C2orf76: variants seen among roughly 807,000 people sequenced by gnomAD.
C2orf76 encodes chromosome 2 open reading frame 76.
A neutral mutation model predicts 16.9 loss-of-function variants in C2orf76; 23 were observed. The observed-to-expected ratio is 1.36, with a 90% CI of 0.98 to 1.93. The LOEUF is 1.93. Ranked by LOEUF, C2orf76 falls within the 30% of genes most tolerant of loss-of-function variation. C2orf76 has a pLI of 0.00. For synonymous variants in C2orf76, 48 were observed against 52.3 expected (o/e 0.92, Z 0.35); for missense variants, 152 against 152.6 (o/e 1.00, Z 0.02).
intron 1 of C2orf76, chr2:119,366,388 T>C (rs1680992532): frequency 2.1e-6 from 1 of 470,442 alleles, no homozygotes; most frequent in Non-Finnish European, 4.4e-6. Context: ...GACATAAATG[T>C]GCAATACAGG....
chr2:119,307,067 T>C (rs1678813544), intron 5 of C2orf76, among the ~76,000 whole-genome samples: 2 of 151,982 alleles, frequency 1.3e-5, no homozygotes, highest in South Asian at 4.1e-4. Flanking sequence ...GAGACAGAGA[T>C]GACTTCGAAT....
At chr2:119,294,174 C>G in the C2orf76 span, among the ~76,000 whole-genome samples, 1 of 151,976 alleles carries the variant, frequency 6.6e-6, no homozygotes, top group Non-Finnish European at 1.5e-5. Context: ...GAGGAGTGAC[C>G]AGTGAAGCCA....
At chr2:119,289,460 G>A in the C2orf76 span, among the ~76,000 whole-genome samples, 1 of 151,966 alleles carries the variant, frequency 6.6e-6, no homozygotes, top group African/African-American at 2.4e-5. Flanking sequence ...GGCTGACGTG[G>A]GCAGATCAGG....
Position 119,302,417 on chromosome 2 carries a change from C to A in C2orf76, c.*55G>T. ...TTGTTTGTCAATTTCAAAAATTCAG[C>A]AGTGGAATAAAGAGCTTAATACAGG... On this transcript the variant is annotated 3_prime_UTR_variant, in exon 6 of 6. Coordinates refer to ENST00000334816, the MANE Select transcript of C2orf76 (RefSeq NM_001322331.2). 1.5e-6 allele frequency: 1 copy of A among 663,080 alleles called. No homozygotes were observed. Among genetic ancestry groups the A allele is most frequent in the Non-Finnish European group, 2.6e-6 (1 of 389,422 alleles). 41.1% of individuals were successfully genotyped at this position (663,080 alleles called of 1,614,324 possible). A position where few individuals can be genotyped will look rare whatever the true frequency, so the allele number is the denominator to read the frequency against.
chr2:119,349,371 G>T (rs1248437184), intron 1 of C2orf76, among the ~76,000 whole-genome samples: 1 of 152,186 alleles, frequency 6.6e-6, no homozygotes, highest in African/African-American at 2.4e-5. Context: ...CAGAGTACTG[G>T]AAAGGAGGGA....
intron 1 of C2orf76, among the ~76,000 whole-genome samples, chr2:119,349,466 G>T (rs908475113): frequency 1.3e-5 from 2 of 152,206 alleles, no homozygotes; most frequent in Non-Finnish European, 2.9e-5. Flanking sequence ...CCAGAAGCAG[G>T]TCACACGCCC....
the C2orf76 span, among the ~76,000 whole-genome samples, chr2:119,292,908 G>A: frequency 1.4e-4 from 21 of 152,224 alleles, no homozygotes; most frequent in South Asian, 1.3e-3. Flanking sequence ...GGTGGCATGC[G>A]CCTGTAGTCC....
At chr2:119,319,206 T>C (rs953217881) in intron 3 of C2orf76, among the ~76,000 whole-genome samples, 10 of 152,334 alleles carry the variant, frequency 6.6e-5, no homozygotes, top group Admixed American at 5.9e-4. Context: ...GAAATCCTGC[T>C]GCTCTAATAG....
chr2:119,317,961 T>G (rs556369302), intron 3 of C2orf76, among the ~76,000 whole-genome samples: 1 of 152,314 alleles, frequency 6.6e-6, no homozygotes, highest in African/African-American at 2.4e-5. Context: ...GTTGCCACTC[T>G]CAGTATTCAA....
chr2:119,359,460 G>A (rs1393324070), intron 1 of C2orf76, among the ~76,000 whole-genome samples: 1 of 152,168 alleles, frequency 6.6e-6, no homozygotes, highest in African/African-American at 2.4e-5. Flanking sequence ...TTCCTCAGAT[G>A]GATATGGGCA....
chr2:119,306,402 A>T (rs1678785509), intron 5 of C2orf76, among the ~76,000 whole-genome samples: 1 of 152,182 alleles, frequency 6.6e-6, no homozygotes, highest in Non-Finnish European at 1.5e-5. Context: ...AAAACGAACC[A>T]CGAGGGAGTT....
chr2:119,348,046 CAAAAAAAAAAAAA>C (rs1205382710), intron 1 of C2orf76, among the ~76,000 whole-genome samples: 5 of 81,988 alleles, frequency 6.1e-5, no homozygotes, highest in African/African-American at 1.9e-4. Flanking sequence ...GGCTCTGTCT[CAAAAAAAAAAAAA>C]AAAAAAAAAA....
chr2:119,291,685 G>A, the C2orf76 span, among the ~76,000 whole-genome samples: 21 of 152,086 alleles, frequency 1.4e-4, no homozygotes, highest in African/African-American at 4.1e-4. Flanking sequence ...GGCAGCAGCC[G>A]GACACCCCTG....
At chr2:119,355,358 A>G (rs1439126177) in intron 1 of C2orf76, among the ~76,000 whole-genome samples, 1 of 152,250 alleles carries the variant, frequency 6.6e-6, no homozygotes, top group Admixed American at 6.5e-5. Flanking sequence ...ATATGTACAT[A>G]GCGAACAGCT....
chr2:119,305,075 G>T lies in C2orf76; in HGVS notation c.305-2527C>A, dbSNP rs377755309. Reference sequence around the variant, plus strand: ...AGTGCAGTCAGGTGCAGAGTGCCTTGGCATGGGAATCTGAAATGAATGTGC... The same window carrying T: ...AGTGCAGTCAGGTGCAGAGTGCCTTTGCATGGGAATCTGAAATGAATGTGC... On this transcript the variant is annotated intron_variant, in intron 5 of 5. Coordinates refer to ENST00000334816, the MANE Select transcript of C2orf76 (RefSeq NM_001322331.2). Among the ~76,000 whole-genome samples, 33 of 152,242 alleles carry T rather than the reference G, an allele frequency of 2.2e-4. No homozygotes were observed. In the East Asian group the frequency reaches 5.6e-3, roughly 26 times the overall value.
rs116285917 is a variant in C2orf76 at position 119,308,904 on chromosome 2, C to T, written c.304+2718G>A. On this transcript the variant is annotated intron_variant, in intron 5 of 5. Coordinates refer to ENST00000334816, the MANE Select transcript of C2orf76 (RefSeq NM_001322331.2). The stretch of plus-strand genomic sequence containing the variant: ...AATTCAAGGTCATATTCATTCCCGA[C>T]GGTGGTATAAGAGTATCCATTTTCC... Among the ~76,000 whole-genome samples, 642 of 152,232 alleles carry T rather than the reference C, an allele frequency of 4.2e-3. 3 individuals carry two copies. Among genetic ancestry groups the T allele is most frequent in the Non-Finnish European group, 6.2e-3 (424 of 68,016 alleles).
chr2:119,330,554 CT>C (rs1679645250), intron 2 of C2orf76, among the ~76,000 whole-genome samples: 1 of 151,806 alleles, frequency 6.6e-6, no homozygotes, highest in Admixed American at 6.6e-5. Context: ...CTTCATGTTT[CT>C]TTTGCTTGGG....
chr2:119,292,966 C>G, the C2orf76 span, among the ~76,000 whole-genome samples: 1 of 152,170 alleles, frequency 6.6e-6, no homozygotes, highest in Non-Finnish European at 1.5e-5. Context: ...ACTCAGGAGG[C>G]AGAGCTTACA....
At chr2:119,328,063 G>A (rs1679567181) in intron 2 of C2orf76, among the ~76,000 whole-genome samples, 1 of 151,498 alleles carries the variant, frequency 6.6e-6, no homozygotes, top group Admixed American at 6.6e-5. Context: ...ATCTCGCTAT[G>A]TTGCTTGGGT....
Sources: gnomAD v4.1 joint callset for allele counts (sites outside exome capture counted in the v4.1 genomes callset) on GRCh38, gnomAD v4.1.1 for gene constraint, MANE v1.5 for transcripts, NCBI Gene and HGNC (gene_info 2026-07-23, HGNC 2026-07-21) for gene names.